The following BIRC6 variants were observed in gnomAD, a reference collection of about 807,000 sequenced individuals.
The protein encoded by BIRC6 is dual E2 ubiquitin-conjugating enzyme/E3 ubiquitin-protein ligase BIRC6.
A neutral mutation model predicts 503.3 loss-of-function variants in BIRC6; 98 were observed. The ratio of observed to expected loss-of-function variants is 0.19; its 90% confidence interval spans 0.17 to 0.23. The LOEUF (loss-of-function observed/expected upper bound fraction) is 0.23, where lower values mean the gene tolerates loss of function less well. Among genes scored for constraint, BIRC6 ranks in the 10% least tolerant of loss-of-function variants. The probability of loss-of-function intolerance (pLI) is 1.00; values close to 1 mark genes in which losing one functional copy is unlikely to be tolerated. For synonymous variants in BIRC6, 2,240 were observed against 2,078.7 expected (o/e 1.08, Z -2.11); for missense variants, 5,360 against 5,806.0 (o/e 0.92, Z 2.50).
In BIRC6 at chr2:32,518,858, G is replaced by C. The variant is rs1299579311; in HGVS notation, c.11535G>C (p.Gln3845His). 6.2e-7 allele frequency: 1 copy of C among 1,613,312 alleles called. No individual in the cohort carries two copies. The highest frequency in any genetic ancestry group is 8.5e-7 in the Non-Finnish European group (1 of 1,179,502). Reference sequence around the variant, plus strand: ...TTAATGCTACTAGCCACGTCATCCAGCATCCAATGTATGGAGCAGGCCACA... The same window carrying C: ...TTAATGCTACTAGCCACGTCATCCACCATCCAATGTATGGAGCAGGCCACA... ...GRINATSHVI[Q>H]HPMYGAGHKF... The change falls in exon 57 of 74, where the codon CAG becomes CAC. Residue 3845 changes from glutamine to histidine, a missense_variant. Gln to His is a conservative substitution (Grantham distance 24). Coordinates refer to ENST00000421745, the MANE Select transcript of BIRC6 (RefSeq NM_016252.4).
intron 65 of BIRC6, among the ~76,000 whole-genome samples, chr2:32,572,019 A>T (rs2059948024): frequency 6.6e-6 from 1 of 152,118 alleles, no homozygotes; most frequent in Admixed American, 6.6e-5. Flanking sequence ...ATTTCCATGT[A>T]TTTGTACTGC....
chr2:32,587,497 G>T (rs1393146499), intron 66 of BIRC6, among the ~76,000 whole-genome samples: 1 of 152,188 alleles, frequency 6.6e-6, no homozygotes, highest in Non-Finnish European at 1.5e-5. Flanking sequence ...CAGTGCTTTG[G>T]CAGGCCAAGG....
At chr2:32,466,355 T>G (rs2048540327) in intron 26 of BIRC6, among the ~76,000 whole-genome samples, 1 of 152,238 alleles carries the variant, frequency 6.6e-6, no homozygotes, top group African/African-American at 2.4e-5. Flanking sequence ...GTAAATCTGC[T>G]TTTTCTTTAC....
chr2:32,424,702 A>G (rs969534023), intron 10 of BIRC6, among the ~76,000 whole-genome samples: 12 of 151,878 alleles, frequency 7.9e-5, no homozygotes, highest in African/African-American at 2.7e-4. Context: ...TAGTAGAGAC[A>G]CTATTTCGCC....
chr2:32,503,408 C>CTTTGTTTG lies in BIRC6; in HGVS notation c.9499+196_9499+203dup, dbSNP rs146429810. Reference sequence around the variant, plus strand: ...GACATTCTACTTATGAGAGGGAATGCTTTGTTTGTTTGTTTGTTTGTTTGT... The same window carrying CTTTGTTTG: ...GACATTCTACTTATGAGAGGGAATGCTTTGTTTGTTTGTTTGTTTGTTTGTTTGTTTGT... On this transcript the variant is annotated intron_variant, in intron 49 of 73. Coordinates refer to ENST00000421745, the MANE Select transcript of BIRC6 (RefSeq NM_016252.4). 2.7e-3 allele frequency among the ~76,000 whole-genome samples: 408 copies of CTTTGTTTG among 151,086 alleles called. 1 individual carries two copies. The highest frequency in any genetic ancestry group is 9.4e-3 in the African/African-American group (387 of 41,204).
chr2:32,460,182 ATC>A (rs1378070793), intron 23 of BIRC6, among the ~76,000 whole-genome samples: 2 of 137,166 alleles, frequency 1.5e-5, no homozygotes, highest in Admixed American at 7.9e-5. Context: ...AGATATATAT[ATC>A]TCATATGTGA....
chr2:32,457,787 A>T (rs190674072), intron 23 of BIRC6, among the ~76,000 whole-genome samples: 5 of 152,270 alleles, frequency 3.3e-5, no homozygotes, highest in Admixed American at 6.5e-5. Flanking sequence ...GACACATTCA[A>T]TTAGGTTTTT....
intron 9 of BIRC6, among the ~76,000 whole-genome samples, chr2:32,412,796 C>CT (rs2042028733): frequency 6.6e-6 from 1 of 151,958 alleles, no homozygotes; most frequent in Non-Finnish European, 1.5e-5. Context: ...AGATTACAAT[C>CT]TTTTTTAATG....
At chr2:32,599,925 T>A (rs1348628305) in intron 70 of BIRC6, 25 bp downstream of exon 70, 2 of 1,601,268 alleles carry the variant, frequency 1.2e-6, no homozygotes, top group East Asian at 2.2e-5. Context: ...ATTTTTTGTT[T>A]CAAATGCCAA....
chr2:32,407,489 T>C (rs897959812), intron 9 of BIRC6, among the ~76,000 whole-genome samples: 8 of 148,160 alleles, frequency 5.4e-5, no homozygotes, highest in African/African-American at 2.0e-4. Flanking sequence ...GATAAGTTCA[T>C]ATAAAGTGTA....
At chr2:32,448,651 G>C in intron 21 of BIRC6, 144 bp from the exon 22 acceptor site, 1 of 632,342 alleles carries the variant, frequency 1.6e-6, no homozygotes, top group Non-Finnish European at 2.6e-6. Flanking sequence ...GAAGGGGACC[G>C]TGGAGAGGGG....
At chr2:32,492,566 T>G (rs1351935520) in intron 44 of BIRC6, among the ~76,000 whole-genome samples, 2 of 152,086 alleles carry the variant, frequency 1.3e-5, no homozygotes, top group African/African-American at 4.8e-5. Flanking sequence ...GTTTTACATG[T>G]AAGAAAACAT....
intron 1 of BIRC6, among the ~76,000 whole-genome samples, chr2:32,360,654 C>T (rs903166075): frequency 6.6e-6 from 1 of 152,138 alleles, no homozygotes; most frequent in African/African-American, 2.4e-5. Context: ...TCCCTTTAGC[C>T]AGAAATGACT....
At chr2:32,417,542 G>A (rs941377725) in intron 10 of BIRC6, among the ~76,000 whole-genome samples, 9 of 152,166 alleles carry the variant, frequency 5.9e-5, no homozygotes, top group African/African-American at 2.2e-4. Flanking sequence ...TCTATTGATT[G>A]TCTAGCAGGA....
At chr2:32,502,191 G>A (rs1423693486) in intron 47 of BIRC6, among the ~76,000 whole-genome samples, 1 of 152,098 alleles carries the variant, frequency 6.6e-6, no homozygotes, top group Non-Finnish European at 1.5e-5. Context: ...GTGTAATACT[G>A]AGGTGTTCTC....
chr2:32,380,359 C>A (rs2149401369), intron 3 of BIRC6, 69 bp downstream of exon 3: 4 of 1,446,062 alleles, frequency 2.8e-6, no homozygotes, highest in East Asian at 2.5e-5. Flanking sequence ...TTTGCACTTT[C>A]CTTTCCTCTC....
chr2:32,540,516 T>C (rs2057579352), intron 61 of BIRC6, among the ~76,000 whole-genome samples: 1 of 152,058 alleles, frequency 6.6e-6, no homozygotes, highest in African/African-American at 2.4e-5. Flanking sequence ...TTGTTGTTAA[T>C]TGAGCAAAAA....
At chr2:32,404,243 A>G (rs147845135) in intron 8 of BIRC6, among the ~76,000 whole-genome samples, 9 of 151,722 alleles carry the variant, frequency 5.9e-5, no homozygotes, top group Admixed American at 5.9e-4. Context: ...GTGATTTTTT[A>G]AAAAGTTTTA....
Position 32,575,140 on chromosome 2 carries a change from C to G in BIRC6, c.13145-16C>G. ...TACATTTGCTCATTTTGTGCTTTTTCTTCTTCTCCTTATAGTTCTGGACAT... is the reference window on the plus strand; with the variant it reads ...TACATTTGCTCATTTTGTGCTTTTTGTTCTTCTCCTTATAGTTCTGGACAT... On this transcript the variant is annotated splice_polypyrimidine_tract_variant and intron_variant, in intron 65 of 73. Transcript: ENST00000421745. The G allele has an allele frequency of 1.9e-6, 3 of 1,612,906 alleles. No homozygotes were observed. Among genetic ancestry groups the G allele is most frequent in the Non-Finnish European group, 2.5e-6 (3 of 1,179,086 alleles).
Sources: gnomAD v4.1 joint callset for allele counts (sites outside exome capture counted in the v4.1 genomes callset) on GRCh38, gnomAD v4.1.1 for gene constraint, MANE v1.5 for transcripts, NCBI Gene and HGNC (gene_info 2026-07-23, HGNC 2026-07-21) for gene names.